The following LRRC37A variants were observed in gnomAD, a reference collection of about 807,000 sequenced individuals.
LRRC37A encodes the protein leucine rich repeat containing 37A.
A neutral mutation model predicts 35.4 loss-of-function variants in LRRC37A; 3 were observed. That is an observed-to-expected ratio of 0.08 (90% CI 0.04 to 0.22). LRRC37A has a LOEUF of 0.22. LRRC37A is among the 10% of genes least tolerant of loss of function. The pLI, the probability that LRRC37A is intolerant of heterozygous loss-of-function variation, is 1.00. For synonymous variants in LRRC37A, 23 were observed against 215.0 expected (o/e 0.11, Z 7.81); for missense variants, 67 against 565.3 (o/e 0.12, Z 8.94).
chr17:46,321,348 T>C (rs1598152704), intron 5 of LRRC37A, among the ~76,000 whole-genome samples: 1 of 73,290 alleles, frequency 1.4e-5, no homozygotes, highest in African/African-American at 8.4e-5. Context: ...AGAGTGAGAC[T>C]CCGTCTCAGA....
intron 5 of LRRC37A, among the ~76,000 whole-genome samples, chr17:46,314,862 A>G (rs1041388885): frequency 2.5e-5 from 2 of 81,580 alleles, no homozygotes; most frequent in African/African-American, 6.3e-5. Context: ...AGAATAAGTT[A>G]GGAAATGTTC....
the LRRC37A span, among the ~76,000 whole-genome samples, chr17:46,254,579 T>A: frequency 2.6e-5 from 4 of 151,702 alleles, no homozygotes; most frequent in African/African-American, 9.7e-5. Context: ...TCTCATTTTG[T>A]TGCCCAGGCT....
the LRRC37A span, among the ~76,000 whole-genome samples, chr17:46,271,436 C>T: frequency 1.9e-3 from 283 of 150,716 alleles, 1 homozygote; most frequent in African/African-American, 3.6e-3. Context: ...CCTGCCTTGG[C>T]CTCCCAAAGT....
chr17:46,292,859 G>C (rs1374998275), upstream of LRRC37A: 2 of 77,430 alleles, frequency 2.6e-5, 1 homozygote, highest in African/African-American at 6.5e-5. Context: ...GCAAAATGAA[G>C]TTTGGGTCAA....
chr17:46,264,440 C>A, the LRRC37A span, among the ~76,000 whole-genome samples: 1 of 152,194 alleles, frequency 6.6e-6, no homozygotes, highest in African/African-American at 2.4e-5. Flanking sequence ...TGTGAGAAAC[C>A]AATACTGTTA....
At chr17:46,279,219 T>C in the LRRC37A span, among the ~76,000 whole-genome samples, 1 of 150,784 alleles carries the variant, frequency 6.6e-6, no homozygotes, top group African/African-American at 2.4e-5. Flanking sequence ...AGTCTCGCTC[T>C]GTCGCCTAGG....
At chr17:46,287,958 A>C (rs1487362904), upstream of LRRC37A, among the ~76,000 whole-genome samples, 2 of 152,244 alleles carry the variant, frequency 1.3e-5, no homozygotes, top group South Asian at 4.1e-4. Context: ...CATCATGTCA[A>C]AGTCATAGTG....
chr17:46,256,240 C>T, the LRRC37A span, among the ~76,000 whole-genome samples: 1 of 152,002 alleles, frequency 6.6e-6, no homozygotes, highest in Non-Finnish European at 1.5e-5. Context: ...CAAAAATTAG[C>T]TGGGCGTGGT....
At chr17:46,269,160 C>A in the LRRC37A span, among the ~76,000 whole-genome samples, 1 of 152,172 alleles carries the variant, frequency 6.6e-6, no homozygotes, top group Non-Finnish European at 1.5e-5. Context: ...GCGCACTAGT[C>A]AAAAGACATT....
chr17:46,285,560 G>A, the LRRC37A span, among the ~76,000 whole-genome samples: 1 of 152,158 alleles, frequency 6.6e-6, no homozygotes, highest in Non-Finnish European at 1.5e-5. Flanking sequence ...TCTTTCATAA[G>A]GAAAATAATA....
At chr17:46,255,971 G>A in the LRRC37A span, among the ~76,000 whole-genome samples, 6 of 152,228 alleles carry the variant, frequency 3.9e-5, no homozygotes, top group East Asian at 9.7e-4. Context: ...CACCACACCC[G>A]GCCTCGGCCC....
the LRRC37A span, among the ~76,000 whole-genome samples, chr17:46,263,550 CAAAAAAAAAA>C: frequency 9.4e-5 from 6 of 63,632 alleles, no homozygotes; most frequent in Non-Finnish European, 1.6e-4. Flanking sequence ...GACTCTGTCT[CAAAAAAAAAA>C]AAAAAAAAAA....
chr17:46,291,802 C>A (rs1385443161), upstream of LRRC37A, among the ~76,000 whole-genome samples: 1 of 151,616 alleles, frequency 6.6e-6, no homozygotes, highest in Non-Finnish European at 1.5e-5. Context: ...AAAAACACCC[C>A]AAAATTAGCC....
intron 3 of LRRC37A, among the ~76,000 whole-genome samples, chr17:46,304,996 G>A (rs1408846510): frequency 4.8e-5 from 4 of 83,410 alleles, no homozygotes; most frequent in African/African-American, 9.6e-5. Context: ...AGCCTCCTGA[G>A]CAGCTAGGAC....
At chr17:46,288,129 C>T (rs866731359), upstream of LRRC37A, among the ~76,000 whole-genome samples, 80 of 146,010 alleles carry the variant, frequency 5.5e-4, no homozygotes, top group Admixed American at 9.1e-4. Context: ...TAATACATGG[C>T]TATGTAGTTT....
the LRRC37A span, among the ~76,000 whole-genome samples, chr17:46,273,145 A>G: frequency 0.12 from 18,480 of 152,270 alleles, no homozygotes; most frequent in Non-Finnish European, 0.18. Context: ...ATATTTCTAT[A>G]TATATGAATA....
At chr17:46,262,250 T>A in the LRRC37A span, among the ~76,000 whole-genome samples, 1 of 152,152 alleles carries the variant, frequency 6.6e-6, no homozygotes, top group African/African-American at 2.4e-5. Context: ...GCACCGGGCC[T>A]CTCAAACTCC....
chr17:46,270,647 A>G, the LRRC37A span, among the ~76,000 whole-genome samples: 18,479 of 152,242 alleles, frequency 0.12, no homozygotes, highest in Non-Finnish European at 0.18. Context: ...TGTGACTCAC[A>G]CCTGTAATCC....
chr17:46,286,916 C>A, the LRRC37A span, among the ~76,000 whole-genome samples: 7 of 152,226 alleles, frequency 4.6e-5, no homozygotes, highest in Non-Finnish European at 1.0e-4. Flanking sequence ...GCGATGCCAA[C>A]ACATTCTCCA....
Sources: gnomAD v4.1 joint callset for allele counts (sites outside exome capture counted in the v4.1 genomes callset) on GRCh38, gnomAD v4.1.1 for gene constraint, MANE v1.5 for transcripts, NCBI Gene and HGNC (gene_info 2026-07-23, HGNC 2026-07-21) for gene names.